MACF1: variants seen among roughly 807,000 people sequenced by gnomAD.
MACF1 encodes the protein microtubule-actin cross-linking factor 1.
MACF1 carries 193 observed loss-of-function variants against 854.8 expected under a neutral mutation model. The ratio of observed to expected loss-of-function variants is 0.23; its 90% CI spans 0.20 to 0.25. MACF1 has a LOEUF of 0.25. Ranked by LOEUF, MACF1 falls within the 10% of genes least tolerant of loss-of-function variation. MACF1 has a pLI of 1.00. For synonymous variants in MACF1, 3,185 were observed against 3,226.7 expected (o/e 0.99, Z 0.44); for missense variants, 7,722 against 8,929.1 (o/e 0.86, Z 5.45).
chr1:39,299,440 T>C (rs1378830165), intron 21 of MACF1, among the ~76,000 whole-genome samples: 1 of 152,198 alleles, frequency 6.6e-6, no homozygotes, highest in African/African-American at 2.4e-5. Context: ...ACAAAGTTTA[T>C]CTTTTACTCT....
intron 89 of MACF1, among the ~76,000 whole-genome samples, chr1:39,455,884 G>A (rs1644426453): frequency 6.6e-6 from 1 of 152,216 alleles, no homozygotes; most frequent in Non-Finnish European, 1.5e-5. Flanking sequence ...CTGAATTCAA[G>A]CGTGAATGTT....
chr1:39,097,752 T>A (rs1268919483), intron 2 of MACF1, among the ~76,000 whole-genome samples: 1 of 151,588 alleles, frequency 6.6e-6, no homozygotes, highest in East Asian at 1.9e-4. Context: ...AGGGAATGAG[T>A]TCCATTTTTG....
chr1:39,294,578 C>G (rs1194678140), intron 18 of MACF1, among the ~76,000 whole-genome samples: 1 of 152,176 alleles, frequency 6.6e-6, no homozygotes, highest in Non-Finnish European at 1.5e-5. Flanking sequence ...GCTCTGAAAG[C>G]ATAGTAAGGA....
rs1297686019 is a variant in MACF1, at chr1:39,452,829, G to A, written c.20742+17G>A. On this transcript the variant is annotated intron_variant, in intron 87 of 100. Coordinates refer to ENST00000564288, the MANE Select transcript of MACF1 (RefSeq NM_001394062.1). ...ACCCATAAGGTAATCCAGCCTTGGG[G>A]TTTGGTGACCTCATGCTACCTACCA... 6.2e-7 allele frequency: 1 copy of A among 1,612,158 alleles called. No homozygotes were observed. The highest frequency in any genetic ancestry group is 8.5e-7 in the Non-Finnish European group (1 of 1,178,506).
chr1:39,131,667 A>G (rs1643009187), intron 2 of MACF1, among the ~76,000 whole-genome samples: 1 of 152,210 alleles, frequency 6.6e-6, no homozygotes, highest in African/African-American at 2.4e-5. Flanking sequence ...GAAGCTTTAA[A>G]TACATTTACT....
intron 99 of MACF1, among the ~76,000 whole-genome samples, chr1:39,484,290 C>G (rs1645067383): frequency 6.6e-6 from 1 of 152,018 alleles, no homozygotes. Context: ...TTTACTCATT[C>G]ACCATAATTG....
At chr1:39,438,058 G>C (rs756746961) in intron 71 of MACF1, 50 bp downstream of exon 71, 2 of 1,535,468 alleles carry the variant, frequency 1.3e-6, no homozygotes, top group African/African-American at 2.7e-5. Context: ...TAAATTCTAG[G>C]CTGTGGTTAT....
intron 23 of MACF1, chr1:39,304,445 G>T: frequency 7.1e-7 from 1 of 1,408,802 alleles, no homozygotes; most frequent in Middle Eastern, 1.8e-4. Context: ...CTTTCCTTTA[G>T]AACCTGATCC....
Position 39,429,874 on chromosome 1 carries a change from C to G in MACF1, c.16936C>G (p.Arg5646Gly). 1 of 1,614,046 alleles carries G rather than the reference C, an allele frequency of 6.2e-7. No individual in the cohort carries two copies. The highest frequency in any genetic ancestry group is 1.1e-5 in the South Asian group (1 of 91,084). Reference sequence around the variant, plus strand: ...GGAAAAACTAGATGGTATAAAGACTCGTTACGCAGACATCACAGTTACTAG... The same window carrying G: ...GGAAAAACTAGATGGTATAAAGACTGGTTACGCAGACATCACAGTTACTAG... ...IQEKLDGIKT[R>G]YADITVTSSK... The change falls in exon 65 of 101, where the codon CGT (arginine) becomes GGT (glycine). Residue 5646 changes from arginine (R) to glycine (G), a missense_variant. Arg to Gly is a moderately radical substitution (Grantham distance 125). This residue lies in a region of MACF1 where 2,807 missense variants were observed against 3,235.8 expected (regional missense o/e 0.87). Transcript: ENST00000564288.
rs369899456 is a variant in MACF1 at position 39,149,145 on chromosome 1, A to G, written c.220+64707A>G. On this transcript the variant is annotated intron_variant, in intron 2 of 93. Transcript: ENST00000361689. Reference sequence around the variant, plus strand: ...GCCGGAGAGAGTGACTCTTGAATACAGAAGAGGATGACTGGGAGAGGTATT... The same window carrying G: ...GCCGGAGAGAGTGACTCTTGAATACGGAAGAGGATGACTGGGAGAGGTATT... Among the ~76,000 whole-genome samples, 5 of 152,232 alleles carry G rather than the reference A, an allele frequency of 3.3e-5. No individual in the cohort carries two copies. In the East Asian group the frequency reaches 5.8e-4, roughly 18 times the overall value.
intron 58 of MACF1, among the ~76,000 whole-genome samples, chr1:39,391,729 C>CA (rs1642043512): frequency 6.6e-6 from 1 of 152,154 alleles, no homozygotes; most frequent in Non-Finnish European, 1.5e-5. Context: ...TGGAAGATTT[C>CA]AAAAAATTAC....
At chr1:39,207,468 C>A (rs794637) in intron 1 of MACF1, among the ~76,000 whole-genome samples, 2 of 151,638 alleles carry the variant, frequency 1.3e-5, no homozygotes, top group Admixed American at 6.6e-5. Flanking sequence ...TTAGTAGAGA[C>A]GGGGTTTCTC....
intron 47 of MACF1, among the ~76,000 whole-genome samples, chr1:39,360,466 A>C (rs1434770090): frequency 2.0e-5 from 3 of 151,924 alleles, no homozygotes; most frequent in Non-Finnish European, 4.4e-5. Flanking sequence ...ATGCTTATTG[A>C]ACTTGGCTCT....
intron 2 of MACF1, among the ~76,000 whole-genome samples, chr1:39,123,401 T>C (rs1044602382): frequency 1.3e-5 from 2 of 151,244 alleles, no homozygotes; most frequent in Non-Finnish European, 2.9e-5. Context: ...GGAGATGGGG[T>C]TTTACCATGT....
chr1:39,161,642 G>A (rs543210799), intron 2 of MACF1, among the ~76,000 whole-genome samples: 2 of 152,026 alleles, frequency 1.3e-5, no homozygotes, highest in Admixed American at 6.6e-5. Flanking sequence ...TGAGGCGGGC[G>A]GATCACAACG....
chr1:39,427,718 T>A, intron 62 of MACF1, 104 bp downstream of exon 62: 1 of 1,186,702 alleles, frequency 8.4e-7, no homozygotes, highest in Non-Finnish European at 1.2e-6. Context: ...TTTGTGGGTT[T>A]AACTTAAAAT....
chr1:39,482,524 T>G (rs1465334496), intron 99 of MACF1, among the ~76,000 whole-genome samples: 1 of 152,170 alleles, frequency 6.6e-6, no homozygotes, highest in Non-Finnish European at 1.5e-5. Flanking sequence ...GTTTGTTTGT[T>G]TGTTTGTTTT....
chr1:39,438,396 C>T (rs1644026577), intron 71 of MACF1, among the ~76,000 whole-genome samples: 1 of 152,208 alleles, frequency 6.6e-6, no homozygotes, highest in Non-Finnish European at 1.5e-5. Context: ...TGTATCTTAG[C>T]ACTACCTTTA....
intron 2 of MACF1, among the ~76,000 whole-genome samples, chr1:39,244,374 G>A (rs902627229): frequency 6.6e-6 from 1 of 151,886 alleles, no homozygotes; most frequent in African/African-American, 2.4e-5. Context: ...TTCTGCCTCC[G>A]AGGTTCAAGT....
Sources: gnomAD v4.1 joint callset for allele counts (sites outside exome capture counted in the v4.1 genomes callset) on GRCh38, gnomAD v4.1.1 for gene constraint, gnomAD v4.1.1 regional missense constraint, MANE v1.5 for transcripts, NCBI Gene and HGNC (gene_info 2026-07-23, HGNC 2026-07-21) for gene names.